ZNF83: variants seen among roughly 807,000 people sequenced by gnomAD.
ZNF83 encodes the protein zinc finger protein 816B.
For missense variants in ZNF83, 552 were observed against 629.9 expected, an observed-to-expected ratio of 0.88 and a Z score of 1.32; for synonymous variants, 209 against 213.0, an observed-to-expected ratio of 0.98 and a Z score of 0.17.
chr19:52,659,403 G>A (rs2061548645), intron 2 of ZNF83, among the ~76,000 whole-genome samples: 1 of 152,176 alleles, frequency 6.6e-6, no homozygotes, highest in South Asian at 2.1e-4. Context: ...CGGGACAATA[G>A]TTGTCAGCTC....
chr19:52,623,098 G>T (rs1468493504), intron 2 of ZNF83, among the ~76,000 whole-genome samples: 1 of 152,204 alleles, frequency 6.6e-6, no homozygotes, highest in Non-Finnish European at 1.5e-5. Context: ...CGTCCCATCT[G>T]TGCAGGGACC....
At chr19:52,682,396 G>T (rs2061936497) in intron 1 of ZNF83, among the ~76,000 whole-genome samples, 1 of 151,926 alleles carries the variant, frequency 6.6e-6, no homozygotes, top group Admixed American at 6.6e-5. Flanking sequence ...AATAATTCTG[G>T]AAGTGGTGGC....
At chr19:52,656,437 A>G (rs541460806) in intron 2 of ZNF83, among the ~76,000 whole-genome samples, 1 of 152,248 alleles carries the variant, frequency 6.6e-6, no homozygotes, top group East Asian at 1.9e-4. Flanking sequence ...AGGCAGGGGA[A>G]TTGCTTCAAC....
chr19:52,625,600 T>C (rs1227300033), intron 2 of ZNF83, among the ~76,000 whole-genome samples: 1 of 152,164 alleles, frequency 6.6e-6, no homozygotes, highest in Non-Finnish European at 1.5e-5. Flanking sequence ...TCCAGCTCCG[T>C]ATTACAGACA....
exon 3 of ZNF83, chr19:52,612,532 T>A (rs4664): frequency 0.2 from 32,164 of 159,584 alleles, 3,403 homozygotes; most frequent in Middle Eastern, 0.28. Flanking sequence ...AGCATGCACG[T>A]TACATTTGTA....
intron 1 of ZNF83, among the ~76,000 whole-genome samples, chr19:52,680,698 C>G (rs560757276): frequency 2.1e-5 from 3 of 141,894 alleles, no homozygotes; most frequent in Non-Finnish European, 4.5e-5. Context: ...CTGCAAGCTC[C>G]GCCTCCCGGG....
At position 52,675,142 on chromosome 19, in the gene ZNF83, T is replaced by C. The variant is rs535266976; in HGVS notation, c.-282-14299A>G. 2.6e-5 allele frequency among the ~76,000 whole-genome samples: 4 copies of C among 152,360 alleles called. No homozygotes were observed. The South Asian group carries it at 8.3e-4, about 32-fold the overall frequency. On this transcript the variant is annotated intron_variant, in intron 1 of 5. Transcript: ENST00000594682. ...CAAAGGAAGTTCAGAATCTGTACTA[T>C]AAAGCTTGCGTTACTTGAAGCCATC...
intron 3 of ZNF83, among the ~76,000 whole-genome samples, chr19:52,647,874 C>A (rs1160468588): frequency 6.6e-6 from 1 of 151,670 alleles, no homozygotes; most frequent in Non-Finnish European, 1.5e-5. Context: ...CCTCTTTTCT[C>A]CCTGTTAAAT....
At chr19:52,659,650 G>A (rs979382819) in intron 2 of ZNF83, among the ~76,000 whole-genome samples, 21 of 148,376 alleles carry the variant, frequency 1.4e-4, no homozygotes, top group African/African-American at 5.0e-4. Context: ...TCACAGAAGT[G>A]AGTGAGAAGA....
At chr19:52,649,027 G>A (rs1052178121) in intron 3 of ZNF83, among the ~76,000 whole-genome samples, 35 of 152,032 alleles carry the variant, frequency 2.3e-4, no homozygotes, top group African/African-American at 8.0e-4. Context: ...CCCCCTCAAC[G>A]ACCTTTCCCT....
chr19:52,613,658 AT>A, exon 3 of ZNF83: 1 of 1,612,648 alleles, frequency 6.2e-7, no homozygotes, highest in Non-Finnish European at 8.5e-7. Flanking sequence ...TTTACTAGGG[AT>A]GACTTGTGAC....
upstream of ZNF83, among the ~76,000 whole-genome samples, chr19:52,640,813 G>C (rs752673603): frequency 3.9e-5 from 6 of 152,174 alleles, no homozygotes; most frequent in Non-Finnish European, 5.9e-5. Flanking sequence ...AAACGATTCA[G>C]TGTTCAGTAC....
chr19:52,626,062 A>C (rs1013595574), intron 2 of ZNF83, among the ~76,000 whole-genome samples: 18 of 152,100 alleles, frequency 1.2e-4, no homozygotes, highest in African/African-American at 4.3e-4. Flanking sequence ...CCAAAATTCA[A>C]TTTGCAAATG....
At chr19:52,636,235 A>T (rs1420356221) in intron 1 of ZNF83, 1 of 152,146 alleles carries the variant, frequency 6.6e-6, no homozygotes, top group Non-Finnish European at 1.5e-5. Context: ...GGATTACTTG[A>T]GCCCAGGAGG....
Position 52,616,316 on chromosome 19 carries a change from C to CAGATCCAGACATTTCTTAAA in ZNF83, c.-233-1539_-233-1520dup, listed in dbSNP as rs1387745053. 1.9e-4 allele frequency among the ~76,000 whole-genome samples: 29 copies of CAGATCCAGACATTTCTTAAA among 152,194 alleles called. 1 individual carries two copies. Among genetic ancestry groups the CAGATCCAGACATTTCTTAAA allele is most frequent in the Admixed American group, 1.5e-3 (23 of 15,278 alleles). On this transcript the variant is annotated intron_variant, in intron 2 of 2. Coordinates refer to ENST00000301096, the Ensembl canonical transcript of ZNF83. ...GTCAATGGGATTTGATCTTGGGCTG[C>CAGATCCAGACATTTCTTAAA]AGATCCAGACATTTCTTAAAAGTGG...
chr19:52,616,251 A>G lies in ZNF83; in HGVS notation c.-233-1454T>C, dbSNP rs529617968. 3.3e-5 allele frequency among the ~76,000 whole-genome samples: 5 copies of G among 152,332 alleles called. No homozygotes were observed. The South Asian group carries it at 1.0e-3, about 32-fold the overall frequency. On this transcript the variant is annotated intron_variant, in intron 2 of 2. Coordinates refer to ENST00000301096, the Ensembl canonical transcript of ZNF83. ...ACTTGGAGTAAATTATTGCTTTTCA[A>G]ATAGAGTAGGTCCACCAATTTACAC...
intron 1 of ZNF83, among the ~76,000 whole-genome samples, chr19:52,672,012 G>A (rs1247939537): frequency 2.0e-5 from 3 of 152,118 alleles, no homozygotes; most frequent in Non-Finnish European, 2.9e-5. Flanking sequence ...GCAGGTGGAT[G>A]ACCCAGAGGT....
At chr19:52,629,116 T>C (rs1305476198) in intron 2 of ZNF83, among the ~76,000 whole-genome samples, 1 of 152,062 alleles carries the variant, frequency 6.6e-6, no homozygotes, top group African/African-American at 2.4e-5. Context: ...TGACCTAAAA[T>C]CTAAGCATCT....
chr19:52,633,833 C>T (rs1408198877), intron 2 of ZNF83, among the ~76,000 whole-genome samples: 1 of 151,216 alleles, frequency 6.6e-6, no homozygotes, highest in African/African-American at 2.4e-5. Context: ...TCACTTGAAC[C>T]CAAAAGGTGG....
Sources: allele counts gnomAD v4.1 joint callset (sites outside exome capture counted in the v4.1 genomes callset), GRCh38; gene constraint gnomAD v4.1.1; transcripts MANE v1.5; gene names NCBI Gene and HGNC (gene_info 2026-07-23, HGNC 2026-07-21).